FOXJ3: variants seen among roughly 807,000 people sequenced by gnomAD.
FOXJ3 encodes forkhead box protein J3.
Under a neutral mutation model 76.1 loss-of-function variants are expected in FOXJ3, and 22 were observed. The ratio of observed to expected loss-of-function variants is 0.29; its 90% CI spans 0.21 to 0.41. FOXJ3 has a LOEUF of 0.41. FOXJ3 is among the 10% of genes least tolerant of loss of function. FOXJ3 has a pLI of 1.00. For synonymous variants in FOXJ3, 269 were observed against 261.2 expected, an observed-to-expected ratio of 1.03 and a Z score of -0.29; for missense variants, 613 against 762.1, an observed-to-expected ratio of 0.80 and a Z score of 2.30.
At chr1:42,229,952 C>G (rs1647932076) in intron 4 of FOXJ3, among the ~76,000 whole-genome samples, 1 of 152,094 alleles carries the variant, frequency 6.6e-6, no homozygotes, top group Non-Finnish European at 1.5e-5. Context: ...CTGGGGAAAC[C>G]ATTCAATGTC....
chr1:42,327,693 TA>T lies in FOXJ3; in HGVS notation c.-18+7365del, dbSNP rs1035132260. ...GGTGTCAAAGGTCAGGTCCCAATCT[TA>T]AAAAAAAAAGATGATTCCAATTTAC... On this transcript the variant is annotated intron_variant, in intron 1 of 12. Coordinates refer to ENST00000361346, the MANE Select transcript of FOXJ3 (RefSeq NM_014947.5). Among the ~76,000 whole-genome samples, 413 of 148,574 alleles carry T rather than the reference TA, an allele frequency of 2.8e-3. 2 individuals are homozygous for T. The highest frequency in any genetic ancestry group is 9.6e-3 in the African/African-American group (390 of 40,660).
At chr1:42,221,299 A>G (rs548694336) in intron 5 of FOXJ3, among the ~76,000 whole-genome samples, 4 of 152,350 alleles carry the variant, frequency 2.6e-5, no homozygotes, top group African/African-American at 4.8e-5. Flanking sequence ...AGACAGCATC[A>G]TAAGTTTCTA....
chr1:42,313,228 T>C lies in FOXJ3; in HGVS notation c.-17-2118A>G, dbSNP rs564448275. ...GGCATGTGCCTGTAATCCCAGCTAC[T>C]TGGGAGGCTGAGACAGGAGAATCGC... On this transcript the variant is annotated intron_variant, in intron 1 of 12. Transcript: ENST00000361346. Among the ~76,000 whole-genome samples, 7 of 152,036 alleles carry C rather than the reference T, an allele frequency of 4.6e-5. No individual in the cohort carries two copies. In the South Asian group the frequency reaches 1.0e-3, roughly 23 times the overall value.
At chr1:42,316,264 G>A (rs1436524188) in intron 1 of FOXJ3, among the ~76,000 whole-genome samples, 2 of 149,494 alleles carry the variant, frequency 1.3e-5, no homozygotes, top group Non-Finnish European at 1.5e-5. Context: ...GAACTTCTGA[G>A]CTCAAGCAAA....
intron 2 of FOXJ3, among the ~76,000 whole-genome samples, chr1:42,307,834 T>C (rs180789345): frequency 1.3e-5 from 2 of 151,810 alleles, no homozygotes. Context: ...TCTTTCCAAA[T>C]TTTCTACAAT....
At chr1:42,222,061 A>G (rs544182893) in intron 5 of FOXJ3, among the ~76,000 whole-genome samples, 1,476 of 114,426 alleles carry the variant, frequency 0.013, 130 homozygotes, top group Non-Finnish European at 0.019. Context: ...GAAGAAGAAG[A>G]AGAAGAAGAA....
chr1:42,270,441 T>C (rs1369668789), intron 3 of FOXJ3, among the ~76,000 whole-genome samples: 1 of 152,134 alleles, frequency 6.6e-6, no homozygotes, highest in Non-Finnish European at 1.5e-5. Flanking sequence ...GGTAATCACA[T>C]ATCTGTTGGA....
At chr1:42,306,919 T>G (rs1654507469) in intron 2 of FOXJ3, among the ~76,000 whole-genome samples, 1 of 152,154 alleles carries the variant, frequency 6.6e-6, no homozygotes, top group East Asian at 1.9e-4. Context: ...GGCAGCTATT[T>G]AAGCTGTTGC....
At chr1:42,288,774 T>C (rs565025862) in intron 2 of FOXJ3, among the ~76,000 whole-genome samples, 1 of 71,064 alleles carries the variant, frequency 1.4e-5, no homozygotes, top group East Asian at 4.3e-4. Context: ...ACAACAGATT[T>C]AATGCAGAGA....
intron 11 of FOXJ3, among the ~76,000 whole-genome samples, chr1:42,187,118 G>A (rs1178697299): frequency 1.3e-5 from 2 of 151,424 alleles, no homozygotes; most frequent in African/African-American, 4.9e-5. Flanking sequence ...AAAGTGCTGG[G>A]ATTGCAGGCA....
At chr1:42,199,042 TGG>T in intron 7 of FOXJ3, 58 bp downstream of exon 7, 2 of 1,327,736 alleles carry the variant, frequency 1.5e-6, no homozygotes, top group Non-Finnish European at 2.1e-6. Context: ...CAATTATGTT[TGG>T]TTTAGTTTTA....
At chr1:42,231,683 AT>A (rs1003092557) in intron 4 of FOXJ3, among the ~76,000 whole-genome samples, 3 of 151,910 alleles carry the variant, frequency 2.0e-5, no homozygotes, top group Non-Finnish European at 4.4e-5. Flanking sequence ...TTCTATTTTT[AT>A]TTTTTTTAAA....
At chr1:42,261,184 G>T (rs2124614611) in intron 4 of FOXJ3, among the ~76,000 whole-genome samples, 1 of 149,918 alleles carries the variant, frequency 6.7e-6, no homozygotes, top group East Asian at 2.0e-4. Flanking sequence ...TACACAATAA[G>T]ACTTATAACC....
intron 2 of FOXJ3, among the ~76,000 whole-genome samples, chr1:42,288,843 T>C (rs1322979085): frequency 1.3e-5 from 2 of 152,166 alleles, no homozygotes; most frequent in East Asian, 1.9e-4. Flanking sequence ...TGCAAAAATA[T>C]AATGTAATGC....
In FOXJ3 at chr1:42,324,089, C is replaced by CTGTATATACACAG. The variant is rs1557725799; in HGVS notation, c.-18+10969_-18+10970insCTGTGTATATACA. Among the ~76,000 whole-genome samples, 270 of 50,786 alleles carry CTGTATATACACAG rather than the reference C, an allele frequency of 5.3e-3. 4 individuals carry two copies. Among genetic ancestry groups the CTGTATATACACAG allele is most frequent in the Non-Finnish European group, 7.7e-3 (194 of 25,258 alleles). 33.3% of individuals were successfully genotyped at this position (50,786 alleles called of 152,430 possible). A position where few individuals can be genotyped will look rare whatever the true frequency, so the allele number is the denominator to read the frequency against. On this transcript the variant is annotated intron_variant, in intron 1 of 12. Coordinates refer to ENST00000361346, the MANE Select transcript of FOXJ3 (RefSeq NM_014947.5). ...ACACAGTGTATATATAGTATATATA[C>CTGTATATACACAG]TGTATATATACTGTGTATATACACT...
intron 5 of FOXJ3, among the ~76,000 whole-genome samples, chr1:42,223,978 A>T (rs1647346532): frequency 6.6e-6 from 1 of 152,260 alleles, no homozygotes; most frequent in African/African-American, 2.4e-5. Flanking sequence ...CAGCTTCATC[A>T]GAGTTATTTT....
At chr1:42,287,868 A>T (rs186359737) in intron 2 of FOXJ3, among the ~76,000 whole-genome samples, 1 of 152,286 alleles carries the variant, frequency 6.6e-6, no homozygotes, top group Admixed American at 6.5e-5. Context: ...GAAGGCTAAG[A>T]GTGGGAGGAT....
At chr1:42,290,680 G>A (rs192764613) in intron 2 of FOXJ3, among the ~76,000 whole-genome samples, 45 of 152,016 alleles carry the variant, frequency 3.0e-4, no homozygotes, top group African/African-American at 1.1e-3. Context: ...GAACTGTGCT[G>A]TCTTTATCAC....
At chr1:42,308,580 C>T (rs941930165) in intron 2 of FOXJ3, among the ~76,000 whole-genome samples, 1 of 152,036 alleles carries the variant, frequency 6.6e-6, no homozygotes, top group Non-Finnish European at 1.5e-5. Flanking sequence ...TATCATGACT[C>T]CGAATGCCGT....
Sources: gnomAD v4.1 joint callset for allele counts (sites outside exome capture counted in the v4.1 genomes callset) on GRCh38, gnomAD v4.1.1 for gene constraint, MANE v1.5 for transcripts, NCBI Gene and HGNC (gene_info 2026-07-23, HGNC 2026-07-21) for gene names.